Variants in MSI1 observed in about 807,000 individuals in gnomAD.
The protein encoded by MSI1 is musashi RNA binding protein 1, also known as RNA-binding protein Musashi homolog 1.
In MSI1, 15 loss-of-function variants were observed where a neutral mutation model predicts 54.4. The ratio of observed to expected loss-of-function variants is 0.28; its 90% CI spans 0.18 to 0.42. The LOEUF is 0.42. MSI1 is among the 20% of genes least tolerant of loss of function. The pLI is 1.00. For missense variants in MSI1, 304 were observed against 506.0 expected, an observed-to-expected ratio of 0.60 and a Z score of 3.83; for synonymous variants, 200 against 196.5, an observed-to-expected ratio of 1.02 and a Z score of -0.15.
chr12:120,356,752 A>T, intron 9 of MSI1, 150 bp downstream of exon 9: 1 of 725,360 alleles, frequency 1.4e-6, no homozygotes, highest in Non-Finnish European at 2.3e-6. Flanking sequence ...TAGGACTGCC[A>T]GACCCGACAG....
At chr12:120,366,005 C>T (rs562420713) in intron 4 of MSI1, among the ~76,000 whole-genome samples, 1 of 152,256 alleles carries the variant, frequency 6.6e-6, no homozygotes, top group Admixed American at 6.5e-5. Flanking sequence ...CTGTGAACAA[C>T]CAGAGGGAAA....
downstream of MSI1, among the ~76,000 whole-genome samples, chr12:120,340,101 TTC>T (rs1555211854): frequency 2.6e-5 from 4 of 151,466 alleles, no homozygotes; most frequent in Admixed American, 1.3e-4. Flanking sequence ...TTTTTTTTTT[TTC>T]TTTGAGACAG....
rs766320746 is a variant in MSI1 at position 120,357,876 on chromosome 12, C to A, written c.474G>T (p.Glu158Asp). 1.2e-6 allele frequency: 2 copies of A among 1,614,148 alleles called. No homozygotes were observed. Among genetic ancestry groups the A allele is most frequent in the Admixed American group, 3.3e-5 (2 of 60,022 alleles). The change falls in exon 8 of 15, where the codon GAG becomes GAT. Residue 158 changes from glutamate to aspartate, a missense_variant. Around this residue, in one of 4 missense-constraint regions of MSI1, gnomAD observed 105 missense variants for 230.1 expected, o/e 0.46. Coordinates refer to ENST00000257552, the MANE Select transcript of MSI1 (RefSeq NM_002442.4). The part of the protein sequence containing the change: ...RHRGFGFVTF[E>D]SEDIVEKVCE... Reference sequence around the variant, plus strand: ...ACACTTTCTCCACGATGTCCTCACTCTCAAACGTGACAAACCCGAACCCTA... The same window carrying A: ...ACACTTTCTCCACGATGTCCTCACTATCAAACGTGACAAACCCGAACCCTA...
intron 9 of MSI1, among the ~76,000 whole-genome samples, chr12:120,353,837 T>C (rs1432910250): frequency 6.6e-6 from 1 of 152,240 alleles, no homozygotes; most frequent in African/African-American, 2.4e-5. Context: ...TCCAGATGAC[T>C]ACATGCCTGA....
intron 14 of MSI1, among the ~76,000 whole-genome samples, chr12:120,344,248 G>T (rs1873930461): frequency 6.6e-6 from 1 of 152,146 alleles, no homozygotes; most frequent in African/African-American, 2.4e-5. Context: ...TCAGTTATTT[G>T]CAGTTTTAAA....
At chr12:120,363,263 C>G (rs1261310980) in intron 5 of MSI1, 128 bp from the exon 6 acceptor site, 2 of 511,450 alleles carry the variant, frequency 3.9e-6, no homozygotes, top group African/African-American at 3.8e-5. Flanking sequence ...CTTTAAAGGC[C>G]CCCCCCCCGC....
intron 4 of MSI1, among the ~76,000 whole-genome samples, chr12:120,366,708 T>C (rs1876039731): frequency 3.3e-5 from 5 of 152,106 alleles, no homozygotes; most frequent in African/African-American, 9.7e-5. Context: ...CCCACCCCCT[T>C]TCCCAGGCTG....
intron 10 of MSI1, among the ~76,000 whole-genome samples, chr12:120,351,950 C>T (rs745415318): frequency 6.0e-5 from 9 of 151,114 alleles, no homozygotes; most frequent in Non-Finnish European, 1.2e-4. Context: ...CCTCGTGATC[C>T]GCCCGTCTTG....
chr12:120,362,518 G>C (rs568048317), intron 6 of MSI1, among the ~76,000 whole-genome samples: 1 of 152,192 alleles, frequency 6.6e-6, no homozygotes, highest in East Asian at 1.9e-4. Flanking sequence ...TCAGGAATTG[G>C]GGGATGCTCT....
At chr12:120,364,195 G>T (rs1312061663) in intron 5 of MSI1, among the ~76,000 whole-genome samples, 1 of 152,184 alleles carries the variant, frequency 6.6e-6, no homozygotes, top group East Asian at 1.9e-4. Flanking sequence ...AGAGCAGCAG[G>T]GTAAGAGAGC....
At chr12:120,355,922 T>C (rs1449432664) in intron 9 of MSI1, among the ~76,000 whole-genome samples, 1 of 152,016 alleles carries the variant, frequency 6.6e-6, no homozygotes, top group Non-Finnish European at 1.5e-5. Context: ...ATGCCTGGCA[T>C]AAAGACCCCC....
At chr12:120,353,413 A>G (rs1327408302) in intron 9 of MSI1, 34 bp from the exon 10 acceptor site, 1 of 1,594,984 alleles carries the variant, frequency 6.3e-7, no homozygotes, top group Non-Finnish European at 8.6e-7. Context: ...CAGATGGCTC[A>G]TCCACAGGGC....
chr12:120,346,925 G>T (rs191534207), intron 12 of MSI1, among the ~76,000 whole-genome samples: 1 of 152,078 alleles, frequency 6.6e-6, no homozygotes, highest in East Asian at 1.9e-4. Context: ...GCAAGCCCTG[G>T]AAGGCAGAGA....
rs143097770 is a variant in MSI1, at chr12:120,363,343, G to A, written c.310-208C>T. 1.9e-3 allele frequency among the ~76,000 whole-genome samples: 273 copies of A among 145,504 alleles called. 1 individual carries two copies. Among genetic ancestry groups the A allele is most frequent in the Middle Eastern group, 8.1e-3 (2 of 248 alleles). ...TGTGCACCCACACCCTGGCTGGCTC[G>A]AGTGTGCCTCCTTCCTGCCTCCCTC... On this transcript the variant is annotated intron_variant, in intron 5 of 14. Coordinates refer to ENST00000257552, the MANE Select transcript of MSI1 (RefSeq NM_002442.4).
intron 9 of MSI1, 24 bp from the exon 10 acceptor site, chr12:120,353,403 C>T (rs1555213591): frequency 6.2e-7 from 1 of 1,608,412 alleles, no homozygotes; most frequent in East Asian, 2.2e-5. Context: ...GGGGCAGTGT[C>T]AGATGGCTCA....
At chr12:120,366,994 G>T (rs1056796425) in intron 4 of MSI1, among the ~76,000 whole-genome samples, 4 of 152,208 alleles carry the variant, frequency 2.6e-5, no homozygotes, top group Non-Finnish European at 5.9e-5. Flanking sequence ...CACTCAGGCT[G>T]CGCCAAGAAG....
chr12:120,368,156 C>T lies in MSI1; in HGVS notation c.182+36G>A, dbSNP rs763943877. 8.7e-5 allele frequency: 137 copies of T among 1,568,856 alleles called. No homozygotes were observed. The highest frequency in any genetic ancestry group is 1.1e-4 in the Non-Finnish European group (129 of 1,158,110). On this transcript the variant is annotated intron_variant, in intron 3 of 14. Coordinates refer to ENST00000257552, the MANE Select transcript of MSI1 (RefSeq NM_002442.4). The surrounding 1 kb of genome is among the most constrained non-coding windows in gnomAD (Gnocchi z 6.6). ...GCAGTGAGTGGCGGGTGGAGGGGGGCGAGCCGGGAGCAGGAGGAGGGGGTG... is the reference window on the plus strand; with the variant it reads ...GCAGTGAGTGGCGGGTGGAGGGGGGTGAGCCGGGAGCAGGAGGAGGGGGTG...
chr12:120,346,258 C>A lies in MSI1; in HGVS notation c.924G>T (p.Leu308=). 1.3e-6 allele frequency: 2 copies of A among 1,593,260 alleles called. No individual in the cohort carries two copies. Among genetic ancestry groups the A allele is most frequent in the Non-Finnish European group, 1.7e-6 (2 of 1,170,518 alleles). ...GSTPSRTGGF[L]GTTSPGPMAE... ...CCATGGGGCCGGGGCTGGTGGTCCC[C>A]AGGAAGCCCCCTGTGCGGCTGGGAG... The change falls in exon 13 of 15, where the codon CTG becomes CTT. Residue 308 remains leucine, a synonymous_variant. Coordinates refer to ENST00000257552, the MANE Select transcript of MSI1 (RefSeq NM_002442.4).
At chr12:120,343,633 C>G (rs958952541) in intron 14 of MSI1, among the ~76,000 whole-genome samples, 8 of 152,178 alleles carry the variant, frequency 5.3e-5, no homozygotes, top group African/African-American at 1.9e-4. Context: ...AACCCCACAT[C>G]TAAAATAGCC....
Sources: gnomAD v4.1 joint callset for allele counts (sites outside exome capture counted in the v4.1 genomes callset) on GRCh38, gnomAD v4.1.1 for gene constraint, gnomAD v4.1.1 regional missense constraint, Gnocchi (gnomAD v3.1) non-coding constraint, MANE v1.5 for transcripts, NCBI Gene and HGNC (gene_info 2026-07-23, HGNC 2026-07-21) for gene names.